FCHSD2: variants seen among roughly 807,000 people sequenced by gnomAD.
FCHSD2 encodes the protein F-BAR and double SH3 domains protein 2.
A neutral mutation model predicts 108.1 loss-of-function variants in FCHSD2; 38 were observed. That is an observed-to-expected ratio of 0.35 (90% CI 0.27 to 0.46). FCHSD2 has a LOEUF of 0.46. Among genes scored for constraint, FCHSD2 ranks in the 20% least tolerant of loss-of-function variants. FCHSD2 has a pLI of 1.00. For synonymous variants in FCHSD2, 279 were observed against 314.7 expected (o/e 0.89, Z 1.20); for missense variants, 751 against 897.8 (o/e 0.84, Z 2.09).
chr11:73,027,382 G>A (rs554278555), intron 3 of FCHSD2, among the ~76,000 whole-genome samples: 70 of 152,304 alleles, frequency 4.6e-4, no homozygotes, highest in African/African-American at 1.7e-3. Context: ...TTGAACTTGA[G>A]AGAGATGATT....
chr11:72,846,630 A>C (rs897367094), intron 14 of FCHSD2, among the ~76,000 whole-genome samples: 1 of 152,150 alleles, frequency 6.6e-6, no homozygotes, highest in African/African-American at 2.4e-5. Flanking sequence ...TGAGCAGTAA[A>C]TGGTTATTAA....
intron 12 of FCHSD2, among the ~76,000 whole-genome samples, chr11:72,877,280 C>A (rs1412137754): frequency 6.6e-6 from 1 of 151,976 alleles, no homozygotes; most frequent in African/African-American, 2.4e-5. Flanking sequence ...TTATTGTTTC[C>A]TGCCAAGCTC....
At chr11:73,093,373 AC>A (rs1860001463) in intron 2 of FCHSD2, among the ~76,000 whole-genome samples, 1 of 152,150 alleles carries the variant, frequency 6.6e-6, no homozygotes, top group Admixed American at 6.5e-5. Flanking sequence ...CTTGGGACCC[AC>A]AAAATTGCAA....
intron 2 of FCHSD2, among the ~76,000 whole-genome samples, chr11:73,130,934 C>T (rs1404819070): frequency 1.3e-5 from 2 of 152,086 alleles, no homozygotes; most frequent in Admixed American, 6.6e-5. Flanking sequence ...TTGCAGCTCT[C>T]AGTTTTTCAA....
intron 3 of FCHSD2, chr11:73,077,688 G>T (rs752195383): frequency 7.6e-6 from 3 of 393,298 alleles, no homozygotes; most frequent in Non-Finnish European, 1.5e-5. Flanking sequence ...GCAATAAAAA[G>T]AAATGAAATA....
chr11:72,971,026 C>T (rs774307782), intron 8 of FCHSD2, among the ~76,000 whole-genome samples: 4 of 152,116 alleles, frequency 2.6e-5, no homozygotes, highest in Non-Finnish European at 5.9e-5. Flanking sequence ...GTTTCTCTAG[C>T]TGATGTGAGT....
intron 12 of FCHSD2, among the ~76,000 whole-genome samples, chr11:72,874,218 T>C (rs1012828996): frequency 2.0e-5 from 3 of 152,226 alleles, no homozygotes; most frequent in African/African-American, 7.2e-5. Context: ...AGACAGGGTC[T>C]CACTGTTGCC....
At chr11:72,849,212 G>C (rs929431423) in intron 14 of FCHSD2, among the ~76,000 whole-genome samples, 1 of 152,050 alleles carries the variant, frequency 6.6e-6, no homozygotes, top group Non-Finnish European at 1.5e-5. Flanking sequence ...ATGTATTCAC[G>C]CCTCCCTTCC....
intron 2 of FCHSD2, among the ~76,000 whole-genome samples, chr11:73,113,270 T>C (rs768205195): frequency 2.0e-5 from 3 of 151,788 alleles, no homozygotes; most frequent in Non-Finnish European, 4.4e-5. Context: ...GAATTATCTG[T>C]CTGAAAGGTC....
chr11:73,037,841 T>C (rs759801312), intron 3 of FCHSD2, among the ~76,000 whole-genome samples: 4 of 152,200 alleles, frequency 2.6e-5, no homozygotes, highest in Non-Finnish European at 4.4e-5. Context: ...ACCTCAAACA[T>C]AGTGGACAAC....
chr11:72,960,266 C>T (rs1210133217), intron 8 of FCHSD2, among the ~76,000 whole-genome samples: 1 of 152,116 alleles, frequency 6.6e-6, no homozygotes, highest in Non-Finnish European at 1.5e-5. Flanking sequence ...GAGGCGGGCA[C>T]TAAGCGATTC....
At chr11:72,948,718 T>A (rs576949020) in intron 8 of FCHSD2, among the ~76,000 whole-genome samples, 22 of 151,304 alleles carry the variant, frequency 1.5e-4, no homozygotes, top group African/African-American at 4.9e-4. Flanking sequence ...CAGGCTGGAG[T>A]GCAGTGGCAC....
Position 72,902,559 on chromosome 11 carries a change from G to A in FCHSD2, c.908C>T (p.Pro303Leu), listed in dbSNP as rs1390308788. Reference protein sequence around the residue: ...FHKPQPFQFQPCDSDTSRQLE... With the variant: ...FHKPQPFQFQLCDSDTSRQLE... ...TTCCCTTACAGTATCACTGTCACAA[G>A]GCTGGAACTGGAAGGGCTGGGGTTT... is the stretch of plus-strand genomic sequence containing the variant. Residue 303 changes from proline (P) to leucine (L), a missense_variant, in exon 10 of 20, where the codon CCT (proline) becomes CTT (leucine). Pro to Leu is a moderately conservative substitution (Grantham distance 98). Transcript: ENST00000409418. 2 of 1,582,594 alleles carry A rather than the reference G, an allele frequency of 1.3e-6. No homozygotes were observed. Among genetic ancestry groups the A allele is most frequent in the Admixed American group, 3.6e-5 (2 of 55,332 alleles).
chr11:73,045,408 C>T (rs1858737241), intron 3 of FCHSD2, among the ~76,000 whole-genome samples: 1 of 150,912 alleles, frequency 6.6e-6, no homozygotes, highest in African/African-American at 2.4e-5. Context: ...CCCAGCCATC[C>T]CATTACTGGG....
intron 8 of FCHSD2, among the ~76,000 whole-genome samples, chr11:72,978,081 T>C (rs1450565213): frequency 1.3e-4 from 19 of 151,898 alleles, no homozygotes. Context: ...AAACACCACA[T>C]GTTCTCACTC....
chr11:72,873,903 T>C (rs1245536288), intron 12 of FCHSD2, among the ~76,000 whole-genome samples: 2 of 152,136 alleles, frequency 1.3e-5, no homozygotes, highest in Non-Finnish European at 2.9e-5. Flanking sequence ...GCCAACTACC[T>C]TCTAACTAGA....
At chr11:73,041,595 G>A (rs909337383) in intron 3 of FCHSD2, among the ~76,000 whole-genome samples, 4 of 146,576 alleles carry the variant, frequency 2.7e-5, no homozygotes, top group Admixed American at 2.7e-4. Flanking sequence ...GAGTTTTTTT[G>A]TTTGTTTGTT....
chr11:72,892,054 C>G (rs1855324894), intron 10 of FCHSD2, among the ~76,000 whole-genome samples: 1 of 152,124 alleles, frequency 6.6e-6, no homozygotes, highest in Non-Finnish European at 1.5e-5. Context: ...TAAGGCAGAT[C>G]TCAAAGAGAA....
rs540755433 is a variant in FCHSD2, at chr11:72,976,462, T to C, written c.705+7626A>G. On this transcript the variant is annotated intron_variant, in intron 8 of 19. Coordinates refer to ENST00000409418, the MANE Select transcript of FCHSD2 (RefSeq NM_014824.3). ...ACGTGCTAATTTTTAAATTTTTTTG[T>C]AGAGACAAAGTCTCACTATGCTGCC... 7.2e-5 allele frequency among the ~76,000 whole-genome samples: 11 copies of C among 152,248 alleles called. No homozygotes were observed. The South Asian group carries it at 2.1e-3, about 29-fold the overall frequency.
Sources: allele counts gnomAD v4.1 joint callset (sites outside exome capture counted in the v4.1 genomes callset), GRCh38; gene constraint gnomAD v4.1.1; transcripts MANE v1.5; gene names NCBI Gene and HGNC (gene_info 2026-07-23, HGNC 2026-07-21).